The following GRID1 variants were observed in gnomAD, a reference collection of about 807,000 sequenced individuals.
The protein encoded by GRID1 is glutamate receptor ionotropic, delta-1.
Under a neutral mutation model 98.0 loss-of-function variants are expected in GRID1, and 28 were observed. The observed-to-expected ratio is 0.29, with a 90% CI of 0.21 to 0.39. The LOEUF (loss-of-function observed/expected upper bound fraction) is 0.39. GRID1 is among the 10% of genes least tolerant of loss of function. GRID1 has a pLI of 1.00. For synonymous variants in GRID1, 553 were observed against 538.5 expected, an observed-to-expected ratio of 1.03 and a Z score of -0.37; for missense variants, 1,111 against 1,340.5, an observed-to-expected ratio of 0.83 and a Z score of 2.67.
rs549552698 is a variant in GRID1, at chr10:86,001,917, C to A, written c.727-85678G>T. 2.0e-5 allele frequency among the ~76,000 whole-genome samples: 3 copies of A among 152,274 alleles called. No individual in the cohort carries two copies. The South Asian group carries it at 6.2e-4, about 32-fold the overall frequency. On this transcript the variant is annotated intron_variant, in intron 4 of 15. Transcript: ENST00000327946. ...GTCTCTAGGGAAGGATCCTTCCTTGCCTCTTCCAGCTTCTAGTAGCCCCAG... is the reference window on the plus strand; with the variant it reads ...GTCTCTAGGGAAGGATCCTTCCTTGACTCTTCCAGCTTCTAGTAGCCCCAG...
intron 12 of GRID1, among the ~76,000 whole-genome samples, chr10:85,654,074 C>A (rs1056980728): frequency 6.6e-6 from 1 of 152,154 alleles, no homozygotes; most frequent in African/African-American, 2.4e-5. Flanking sequence ...CACTTAGTGA[C>A]CCACAGGGTG....
At chr10:86,307,249 G>A (rs1412478613) in intron 2 of GRID1, among the ~76,000 whole-genome samples, 2 of 152,072 alleles carry the variant, frequency 1.3e-5, no homozygotes. Flanking sequence ...GCACTCCCAT[G>A]TCCATTGCAG....
chr10:85,861,180 C>G (rs1013651518), intron 6 of GRID1, among the ~76,000 whole-genome samples: 1 of 152,198 alleles, frequency 6.6e-6, no homozygotes, highest in Admixed American at 6.5e-5. Flanking sequence ...CAACACCACT[C>G]GTTCTCTCCC....
chr10:86,207,470 G>A (rs2132020363), intron 2 of GRID1, among the ~76,000 whole-genome samples: 1 of 152,204 alleles, frequency 6.6e-6, no homozygotes, highest in East Asian at 1.9e-4. Context: ...TGCAAGAGGC[G>A]CCCCTTGTAG....
In GRID1 at chr10:85,882,230, C is replaced by G. The variant is rs550842075; in HGVS notation, c.781-13050G>C. ...GTCAGTGTGGCGATTCCTCAGGGAT[C>G]TAGATCTAGAAATACCATTTGACCC... On this transcript the variant is annotated intron_variant, in intron 5 of 15. Coordinates refer to ENST00000327946, the MANE Select transcript of GRID1 (RefSeq NM_017551.3). Among the ~76,000 whole-genome samples, 9 of 152,288 alleles carry G rather than the reference C, an allele frequency of 5.9e-5. No individual in the cohort carries two copies. In the East Asian group the frequency reaches 1.7e-3, roughly 29 times the overall value.
intron 8 of GRID1, among the ~76,000 whole-genome samples, chr10:85,775,929 A>G (rs1345645047): frequency 1.3e-5 from 2 of 152,166 alleles, no homozygotes; most frequent in Non-Finnish European, 1.5e-5. Flanking sequence ...TTTGCACCAC[A>G]TGAATATATA....
intron 8 of GRID1, among the ~76,000 whole-genome samples, chr10:85,784,860 G>T (rs549179544): frequency 6.6e-6 from 1 of 152,298 alleles, no homozygotes; most frequent in South Asian, 2.1e-4. Flanking sequence ...GTTTTCACTG[G>T]TTATCAAGAT....
chr10:86,171,406 T>C (rs1314529897), intron 3 of GRID1, among the ~76,000 whole-genome samples: 1 of 152,176 alleles, frequency 6.6e-6, no homozygotes, highest in Non-Finnish European at 1.5e-5. Context: ...GTCTCTCCCA[T>C]AACATTTTAG....
chr10:85,973,085 A>C (rs1389367505), intron 4 of GRID1, among the ~76,000 whole-genome samples: 1 of 152,212 alleles, frequency 6.6e-6, no homozygotes, highest in Non-Finnish European at 1.5e-5. Context: ...TTTCAGGTGA[A>C]CTGAACCTTA....
chr10:86,100,967 G>A (rs1047542737), intron 4 of GRID1, among the ~76,000 whole-genome samples: 1 of 152,192 alleles, frequency 6.6e-6, no homozygotes, highest in African/African-American at 2.4e-5. Context: ...GAGGCTGTTT[G>A]TTATGCACCA....
At chr10:85,864,533 T>C (rs944639393) in intron 6 of GRID1, among the ~76,000 whole-genome samples, 1 of 152,200 alleles carries the variant, frequency 6.6e-6, no homozygotes, top group East Asian at 1.9e-4. Context: ...ACTCTCCATG[T>C]TAAATGCTCC....
intron 4 of GRID1, among the ~76,000 whole-genome samples, chr10:86,086,279 G>A (rs1019239334): frequency 6.6e-6 from 1 of 152,084 alleles, no homozygotes; most frequent in Non-Finnish European, 1.5e-5. Flanking sequence ...ATGAGGGCTG[G>A]GGTCTGCTCT....
chr10:85,872,671 C>G (rs1023070794), intron 5 of GRID1, among the ~76,000 whole-genome samples: 3 of 152,228 alleles, frequency 2.0e-5, no homozygotes, highest in African/African-American at 7.2e-5. Flanking sequence ...GCCCCCAACT[C>G]CCTTAGTCTG....
At chr10:86,052,319 A>G (rs1843513116) in intron 4 of GRID1, 1 of 152,204 alleles carries the variant, frequency 6.6e-6, no homozygotes, top group Non-Finnish European at 1.5e-5. Flanking sequence ...TATCTGAGGG[A>G]GTGGGGAGGG....
At chr10:86,126,356 G>A (rs1212639930) in intron 4 of GRID1, among the ~76,000 whole-genome samples, 1 of 152,236 alleles carries the variant, frequency 6.6e-6, no homozygotes. Flanking sequence ...TCCAGAGGCT[G>A]AGGCAGAGAA....
At chr10:86,121,547 T>TCACCACCA in intron 4 of GRID1, among the ~76,000 whole-genome samples, 1 of 151,430 alleles carries the variant, frequency 6.6e-6, no homozygotes, top group Non-Finnish European at 1.5e-5. Context: ...ACCATCACCA[T>TCACCACCA]TATCTCACCA....
chr10:86,127,902 C>T (rs971911017), intron 4 of GRID1, among the ~76,000 whole-genome samples: 21 of 152,156 alleles, frequency 1.4e-4, no homozygotes, highest in Admixed American at 4.6e-4. Context: ...AATGAAACTA[C>T]GATTTGCAGA....
intron 2 of GRID1, among the ~76,000 whole-genome samples, chr10:86,230,104 C>T (rs969748900): frequency 2.0e-5 from 3 of 152,224 alleles, no homozygotes; most frequent in African/African-American, 7.2e-5. Context: ...GGCCTTAGCC[C>T]TCCTGCCTAT....
chr10:86,295,291 TTGA>T (rs1402467748), intron 2 of GRID1, among the ~76,000 whole-genome samples: 1 of 151,958 alleles, frequency 6.6e-6, no homozygotes, highest in African/African-American at 2.4e-5. Flanking sequence ...AGAAGGAAAC[TTGA>T]TGATGAAGGA....
Sources: gnomAD v4.1 joint callset for allele counts (sites outside exome capture counted in the v4.1 genomes callset) on GRCh38, gnomAD v4.1.1 for gene constraint, MANE v1.5 for transcripts, NCBI Gene and HGNC (gene_info 2026-07-23, HGNC 2026-07-21) for gene names.